PREP: variants seen among roughly 807,000 people sequenced by gnomAD.
PREP encodes the protein prolyl endopeptidase.
PREP carries 29 observed loss-of-function variants against 87.6 expected under a neutral mutation model. The observed-to-expected ratio is 0.33, with a 90% CI of 0.25 to 0.45. The LOEUF (loss-of-function observed/expected upper bound fraction) is 0.45, where lower values mean the gene tolerates loss of function less well. PREP is among the 20% of genes least tolerant of loss of function. PREP has a pLI of 1.00. For synonymous variants in PREP, 337 were observed against 328.6 expected (o/e 1.03, Z -0.28); for missense variants, 695 against 886.5 (o/e 0.78, Z 2.74).
intron 2 of PREP, among the ~76,000 whole-genome samples, chr6:105,394,507 G>T (rs961397602): frequency 6.6e-6 from 1 of 152,156 alleles, no homozygotes; most frequent in Non-Finnish European, 1.5e-5. Context: ...ACCAAAGTTT[G>T]ATAGAAGAGA....
chr6:105,307,627 T>G lies in PREP; in HGVS notation c.1317+16038A>C, dbSNP rs553830266. 3.4e-4 allele frequency among the ~76,000 whole-genome samples: 52 copies of G among 152,330 alleles called. No individual in the cohort carries two copies. The South Asian group carries it at 1.0e-2, about 29-fold the overall frequency. On this transcript the variant is annotated intron_variant, in intron 10 of 14. Transcript: ENST00000652536. ...ATGTTTTCACTCAGTCATTCTTTTC[T>G]TTTGAGATGGAGTCTTGCTCTGTTG... is the stretch of plus-strand genomic sequence containing the variant.
At chr6:105,398,783 A>C (rs1349833170) in intron 1 of PREP, among the ~76,000 whole-genome samples, 1 of 152,156 alleles carries the variant, frequency 6.6e-6, no homozygotes, top group Non-Finnish European at 1.5e-5. Context: ...AAAAATCATT[A>C]CAAAATCTCT....
At chr6:105,388,217 C>G (rs938836864) in intron 2 of PREP, among the ~76,000 whole-genome samples, 1 of 152,170 alleles carries the variant, frequency 6.6e-6, no homozygotes, top group African/African-American at 2.4e-5. Flanking sequence ...GGCGAGCACA[C>G]ACCCACAGCT....
intron 10 of PREP, among the ~76,000 whole-genome samples, chr6:105,299,708 A>ACTT (rs1193827960): frequency 6.6e-6 from 1 of 152,226 alleles, no homozygotes; most frequent in Non-Finnish European, 1.5e-5. Flanking sequence ...AAAGTAATTA[A>ACTT]CTTCAAGTTA....
In PREP at chr6:105,281,624, C is replaced by T. The variant is rs1583033084; in HGVS notation, c.1838+122G>A. On this transcript the variant is annotated intron_variant, in intron 14 of 14. Transcript: ENST00000652536. ...CAAGTAGGTAGTCCCATCTCCTCTC[C>T]AGCAGATTATATGCAAATGCAAGAC... The T allele has an allele frequency of 2.4e-6, 3 of 1,229,884 alleles. No individual in the cohort carries two copies. The East Asian group carries it at 7.3e-5, about 30-fold the overall frequency. The allele number at this position is 1,229,884 out of a possible 1,614,324, so 76.2% of individuals were successfully genotyped here. A position where few individuals can be genotyped will look rare whatever the true frequency, so the allele number is the denominator to read the frequency against.
At chr6:105,337,143 TTGAC>T (rs1300499130) in intron 7 of PREP, among the ~76,000 whole-genome samples, 1 of 152,182 alleles carries the variant, frequency 6.6e-6, no homozygotes, top group Non-Finnish European at 1.5e-5. Context: ...ATCTGATCAT[TTGAC>T]TGGCCAGCAG....
At chr6:105,385,091 A>T (rs994245942) in intron 2 of PREP, among the ~76,000 whole-genome samples, 5 of 152,186 alleles carry the variant, frequency 3.3e-5, no homozygotes, top group African/African-American at 4.8e-5. Flanking sequence ...GGCTGGAAAG[A>T]GGAGAGCTGA....
At chr6:105,282,021 C>CAAGA in intron 13 of PREP, 119 bp from the exon 14 acceptor site, 1 of 1,232,914 alleles carries the variant, frequency 8.1e-7, no homozygotes. Context: ...ATCCAGAGCA[C>CAAGA]AAGAGGAAAC....
intron 7 of PREP, among the ~76,000 whole-genome samples, chr6:105,349,621 T>C (rs1259575181): frequency 2.6e-5 from 4 of 152,096 alleles, no homozygotes; most frequent in Non-Finnish European, 2.9e-5. Context: ...ATCCTAAATA[T>C]ATAAATAATT....
chr6:105,357,154 T>C (rs887183305), intron 6 of PREP, among the ~76,000 whole-genome samples: 1 of 152,222 alleles, frequency 6.6e-6, no homozygotes, highest in Non-Finnish European at 1.5e-5. Context: ...ATCCACAACT[T>C]CACAATTATA....
In PREP at chr6:105,353,085, A is replaced by G. The variant is rs757986707; in HGVS notation, c.718-8T>C. 2.5e-6 allele frequency: 4 copies of G among 1,596,650 alleles called. No individual in the cohort carries two copies. The highest frequency in any genetic ancestry group is 1.3e-5 in the African/African-American group (1 of 74,436). ...GCGGCCATCATCAGATAACTAAAAA[A>G]GAAAAAAAAATAGTGCAGGGGACTA... On this transcript the variant is annotated splice_polypyrimidine_tract_variant and splice_region_variant and intron_variant, in intron 6 of 14. Coordinates refer to ENST00000652536, the MANE Select transcript of PREP (RefSeq NM_002726.5).
At chr6:105,347,951 T>C (rs11968138) in intron 7 of PREP, among the ~76,000 whole-genome samples, 5,713 of 152,210 alleles carry the variant, frequency 0.038, 252 homozygotes, top group African/African-American at 0.11. Context: ...TAGGAAGGTA[T>C]AGAAAATATA....
intron 6 of PREP, among the ~76,000 whole-genome samples, chr6:105,354,213 A>G (rs1183062604): frequency 1.3e-5 from 2 of 152,180 alleles, no homozygotes; most frequent in Admixed American, 6.5e-5. Context: ...AAACATCTAT[A>G]TTATTTGTTT....
Position 105,278,084 on chromosome 6 carries a change from G to A in PREP, c.*60C>T. On this transcript the variant is annotated 3_prime_UTR_variant, in exon 15 of 15. Coordinates refer to ENST00000652536, the MANE Select transcript of PREP (RefSeq NM_002726.5). This position sits in a 1 kb window ranked among gnomAD's most constrained non-coding sequence, Gnocchi z 4.2. ...GCATTATGCCCAGTGGTTTCTTGGT[G>A]TCAACGTGGGAAAGCCCTTGAGGTT... 1 of 1,550,078 alleles carries A rather than the reference G, an allele frequency of 6.5e-7. No individual in the cohort carries two copies.
intron 2 of PREP, among the ~76,000 whole-genome samples, chr6:105,388,250 T>C (rs1043476236): frequency 1.4e-4 from 21 of 152,248 alleles, no homozygotes; most frequent in African/African-American, 4.8e-4. Context: ...ACTCCTTCTG[T>C]TGGGATACCA....
chr6:105,274,055 CT>C lies in PREP; in HGVS notation c.*4088del, dbSNP rs1769887557. On this transcript the variant is annotated 3_prime_UTR_variant, in exon 15 of 15. Coordinates refer to ENST00000652536, the MANE Select transcript of PREP (RefSeq NM_002726.5). ...TTTTATTCCTGTTTCTTGTTAATTC[CT>C]GAAATTATACTTTGTTTATTATCTT... Among the ~76,000 whole-genome samples, 1 of 152,130 alleles carries C rather than the reference CT, an allele frequency of 6.6e-6. No homozygotes were observed. Among genetic ancestry groups the C allele is most frequent in the African/African-American group, 2.4e-5 (1 of 41,432 alleles).
intron 10 of PREP, among the ~76,000 whole-genome samples, chr6:105,293,004 T>C (rs1003452468): frequency 1.3e-5 from 2 of 152,252 alleles, no homozygotes; most frequent in Non-Finnish European, 2.9e-5. Flanking sequence ...TGTAGCTGGT[T>C]TGATCTTCTA....
At chr6:105,292,176 T>C (rs1313903159) in intron 10 of PREP, among the ~76,000 whole-genome samples, 1 of 152,220 alleles carries the variant, frequency 6.6e-6, no homozygotes, top group Non-Finnish European at 1.5e-5. Context: ...ATGTTCTTCA[T>C]GGTATCTAGA....
In PREP at chr6:105,385,296, A is replaced by G. The variant is rs576238059; in HGVS notation, c.121-7777T>C. Among the ~76,000 whole-genome samples, 631 of 151,354 alleles carry G rather than the reference A, an allele frequency of 4.2e-3. 6 individuals are homozygous for G. The highest frequency in any genetic ancestry group is 0.014 in the African/African-American group (581 of 41,452). On this transcript the variant is annotated intron_variant, in intron 2 of 14. Transcript: ENST00000652536. ...CTAGATCTGCTTTAAAAAAAAAAAA[A>G]AAAAAAGAAAAAAAGCACATTTAGC...
Sources: gnomAD v4.1 joint callset for allele counts (sites outside exome capture counted in the v4.1 genomes callset) on GRCh38, gnomAD v4.1.1 for gene constraint, Gnocchi (gnomAD v3.1) non-coding constraint, MANE v1.5 for transcripts, NCBI Gene and HGNC (gene_info 2026-07-23, HGNC 2026-07-21) for gene names.